The following ASIC2 variants were observed in gnomAD, a reference collection of about 807,000 sequenced individuals.
ASIC2 encodes acid-sensing ion channel 2.
In ASIC2, 25 loss-of-function variants were observed where a neutral mutation model predicts 57.3. That is an observed-to-expected ratio of 0.44 (90% CI 0.32 to 0.61). The LOEUF is 0.61. Among genes scored for constraint, ASIC2 ranks in the 20% least tolerant of loss-of-function variants. ASIC2 has a pLI of 0.06. For missense variants in ASIC2, 641 were observed against 738.1 expected, an observed-to-expected ratio of 0.87 and a Z score of 1.52; for synonymous variants, 319 against 307.5, an observed-to-expected ratio of 1.04 and a Z score of -0.39.
In ASIC2 at chr17:33,464,827, A is replaced by C. The variant is rs982443988; in HGVS notation, c.556-352760T>G. Among the ~76,000 whole-genome samples the C allele has an allele frequency of 2.0e-5, 3 of 151,770 alleles. No individual in the cohort carries two copies. The South Asian group carries it at 6.2e-4, about 32-fold the overall frequency. ...CAGACAGCCCCATAAGCATTTGGACAAATCTCACCATAGCATCTCTAGGCC... is the reference window on the plus strand; with the variant it reads ...CAGACAGCCCCATAAGCATTTGGACCAATCTCACCATAGCATCTCTAGGCC... On this transcript the variant is annotated intron_variant, in intron 1 of 9. Transcript: ENST00000359872.
At chr17:33,083,864 T>C (rs1011619498) in intron 3 of ASIC2, among the ~76,000 whole-genome samples, 1 of 151,494 alleles carries the variant, frequency 6.6e-6, no homozygotes, top group Non-Finnish European at 1.5e-5. Context: ...AATGTAAGGG[T>C]GTTATGTTGG....
At chr17:34,085,700 T>C (rs928161420) in intron 1 of ASIC2, among the ~76,000 whole-genome samples, 6 of 152,132 alleles carry the variant, frequency 3.9e-5, no homozygotes, top group African/African-American at 7.2e-5. Context: ...CTATTGATTA[T>C]TGCCACAATT....
chr17:33,301,651 G>A (rs550473786), intron 1 of ASIC2, among the ~76,000 whole-genome samples: 25 of 152,208 alleles, frequency 1.6e-4, no homozygotes, highest in Middle Eastern at 6.8e-3. Context: ...GGGGACATGA[G>A]AAAGAAAATA....
At chr17:33,913,917 C>T (rs1014176623) in intron 1 of ASIC2, among the ~76,000 whole-genome samples, 3 of 152,174 alleles carry the variant, frequency 2.0e-5, no homozygotes, top group Non-Finnish European at 4.4e-5. Context: ...GAGATAGATG[C>T]CATTAATTCT....
At chr17:33,913,307 A>G (rs1010167078) in intron 1 of ASIC2, among the ~76,000 whole-genome samples, 1 of 152,200 alleles carries the variant, frequency 6.6e-6, no homozygotes, top group Non-Finnish European at 1.5e-5. Context: ...GTAAAATGCA[A>G]CTGTAAACAT....
chr17:33,775,055 A>C (rs892385348), intron 1 of ASIC2, among the ~76,000 whole-genome samples: 29 of 152,192 alleles, frequency 1.9e-4, no homozygotes, highest in African/African-American at 6.8e-4. Context: ...AAAGCCATGG[A>C]GTGACCTGAG....
chr17:33,669,340 G>A (rs943193780), intron 1 of ASIC2, among the ~76,000 whole-genome samples: 2 of 152,172 alleles, frequency 1.3e-5, no homozygotes, highest in Non-Finnish European at 2.9e-5. Flanking sequence ...ATATCTACCT[G>A]TGCTCATTTT....
At position 33,620,518 on chromosome 17, in the gene ASIC2, T is replaced by G. The variant is rs542595679; in HGVS notation, c.556-508451A>C. ...TTTGTGCAGTGTTTTCTGAAGCTGG[T>G]GAAGTTTCCAGTGGAATCTAGTGAC... On this transcript the variant is annotated intron_variant, in intron 1 of 9. Transcript: ENST00000359872. Among the ~76,000 whole-genome samples, 90 of 152,336 alleles carry G rather than the reference T, an allele frequency of 5.9e-4. 2 individuals are homozygous for G. In the South Asian group the frequency reaches 0.018, roughly 31 times the overall value.
chr17:33,633,822 C>T (rs970303332), intron 1 of ASIC2, among the ~76,000 whole-genome samples: 6 of 152,174 alleles, frequency 3.9e-5, no homozygotes, highest in South Asian at 2.1e-4. Context: ...CGGGCTTTTA[C>T]GAAAGGCATG....
At chr17:33,583,689 G>A (rs1243276143) in intron 1 of ASIC2, among the ~76,000 whole-genome samples, 1 of 152,158 alleles carries the variant, frequency 6.6e-6, no homozygotes, top group African/African-American at 2.4e-5. Context: ...GACTGTCTTA[G>A]GGCATGTCAG....
Position 33,729,563 on chromosome 17 carries a change from T to C in ASIC2, c.555+426415A>G, listed in dbSNP as rs925564952. Among the ~76,000 whole-genome samples, 11 of 152,354 alleles carry C rather than the reference T, an allele frequency of 7.2e-5. No homozygotes were observed. In the East Asian group the frequency reaches 1.5e-3, roughly 21 times the overall value. On this transcript the variant is annotated intron_variant, in intron 1 of 9. Transcript: ENST00000359872. ...AATGTAAAAGGAAGTCCAAGGTAAC[T>C]GTTATACCCACAGAGTCCAGAGCCA...
At chr17:33,984,258 A>G (rs1278422117) in intron 1 of ASIC2, 1 of 152,126 alleles carries the variant, frequency 6.6e-6, no homozygotes, top group East Asian at 1.9e-4. Context: ...CACTTCTCTC[A>G]CTGGTCCCAG....
At chr17:33,286,828 T>A (rs1400623084) in intron 1 of ASIC2, among the ~76,000 whole-genome samples, 1 of 152,186 alleles carries the variant, frequency 6.6e-6, no homozygotes, top group Non-Finnish European at 1.5e-5. Flanking sequence ...CCAAAGGGCA[T>A]GTACCAAGCC....
chr17:33,918,945 C>G (rs1915648609), intron 1 of ASIC2, among the ~76,000 whole-genome samples: 1 of 152,146 alleles, frequency 6.6e-6, no homozygotes, highest in Admixed American at 6.5e-5. Flanking sequence ...TGGCTGCCAA[C>G]AAGAGTGGGT....
At chr17:33,446,588 ATCT>A (rs1209964880) in intron 1 of ASIC2, among the ~76,000 whole-genome samples, 3 of 152,288 alleles carry the variant, frequency 2.0e-5, no homozygotes, top group Admixed American at 2.0e-4. Context: ...CAGAAGCATC[ATCT>A]TCTCCCACGT....
chr17:33,387,488 C>T (rs1426705382), intron 1 of ASIC2, among the ~76,000 whole-genome samples: 1 of 152,186 alleles, frequency 6.6e-6, no homozygotes, highest in Non-Finnish European at 1.5e-5. Flanking sequence ...TTTCTGCAAC[C>T]TCTTTCTCAT....
intron 3 of ASIC2, among the ~76,000 whole-genome samples, chr17:33,062,372 T>G (rs572722688): frequency 2.6e-5 from 4 of 152,260 alleles, no homozygotes; most frequent in Middle Eastern, 3.4e-3. Context: ...TCTTTGTTCT[T>G]GTTGGTTTCA....
chr17:34,071,884 A>T (rs1429649117), intron 1 of ASIC2: 1 of 152,212 alleles, frequency 6.6e-6, no homozygotes, highest in Non-Finnish European at 1.5e-5. Flanking sequence ...GAGAGAAAGA[A>T]AGATTCTGGC....
chr17:33,748,770 T>C (rs1910340385), intron 1 of ASIC2, among the ~76,000 whole-genome samples: 1 of 152,240 alleles, frequency 6.6e-6, no homozygotes, highest in African/African-American at 2.4e-5. Context: ...CATAATGTCC[T>C]TTCTTCCTTC....
Sources: gnomAD v4.1 joint callset for allele counts (sites outside exome capture counted in the v4.1 genomes callset) on GRCh38, gnomAD v4.1.1 for gene constraint, MANE v1.5 for transcripts, NCBI Gene and HGNC (gene_info 2026-07-23, HGNC 2026-07-21) for gene names.